Variants in ERBB4 observed in about 807,000 individuals in gnomAD.
ERBB4 encodes erb-b2 receptor tyrosine kinase 4.
Under a neutral mutation model 158.0 loss-of-function variants are expected in ERBB4, and 42 were observed. The ratio of observed to expected loss-of-function variants is 0.27; its 90% CI spans 0.21 to 0.34. The LOEUF (loss-of-function observed/expected upper bound fraction) is 0.34, where lower values mean the gene tolerates loss of function less well. Ranked by LOEUF, ERBB4 falls within the 10% of genes least tolerant of loss-of-function variation. The pLI, the probability that ERBB4 is intolerant of heterozygous loss-of-function variation, is 1.00. For missense variants in ERBB4, 1,333 were observed against 1,624.1 expected (o/e 0.82, Z 3.08); for synonymous variants, 583 against 558.7 (o/e 1.04, Z -0.61).
At chr2:211,947,052 A>G (rs1486319451) in intron 3 of ERBB4, among the ~76,000 whole-genome samples, 1 of 152,170 alleles carries the variant, frequency 6.6e-6, no homozygotes, top group African/African-American at 2.4e-5. Context: ...GGAAATAGAT[A>G]TAACAGCTTG....
At chr2:211,527,248 A>C (rs543086536) in intron 20 of ERBB4, among the ~76,000 whole-genome samples, 1 of 152,236 alleles carries the variant, frequency 6.6e-6, no homozygotes, top group African/African-American at 2.4e-5. Flanking sequence ...ATGGCAATAA[A>C]ATTTTAAGTG....
intron 19 of ERBB4, among the ~76,000 whole-genome samples, chr2:211,579,248 G>T (rs577509562): frequency 8.5e-5 from 13 of 152,050 alleles, no homozygotes; most frequent in African/African-American, 3.1e-4. Context: ...CCACAATGAG[G>T]TACCATCTCA....
chr2:211,652,450 A>T (rs2071027708), intron 16 of ERBB4, among the ~76,000 whole-genome samples: 2 of 152,178 alleles, frequency 1.3e-5, no homozygotes, highest in African/African-American at 2.4e-5. Context: ...TGACTGTTTG[A>T]TTTGGACATG....
chr2:211,770,726 A>C (rs2106264927), intron 4 of ERBB4, among the ~76,000 whole-genome samples: 1 of 152,244 alleles, frequency 6.6e-6, no homozygotes, highest in Non-Finnish European at 1.5e-5. Flanking sequence ...CATACTAGAA[A>C]TTGCAAGCTG....
chr2:211,633,627 T>G (rs945251502), intron 16 of ERBB4, among the ~76,000 whole-genome samples: 3 of 147,962 alleles, frequency 2.0e-5, no homozygotes, highest in Admixed American at 6.8e-5. Flanking sequence ...ACTAGTTTTT[T>G]CTTCTTGAGG....
intron 1 of ERBB4, among the ~76,000 whole-genome samples, chr2:212,266,522 CT>C (rs1246079653): frequency 1.3e-5 from 2 of 151,978 alleles, no homozygotes; most frequent in East Asian, 3.9e-4. Context: ...AGGCAGTTAC[CT>C]CCTGAAACTA....
chr2:212,393,538 C>T (rs1315937644), intron 1 of ERBB4, among the ~76,000 whole-genome samples: 1 of 152,042 alleles, frequency 6.6e-6, no homozygotes. Flanking sequence ...ACCTTATTTA[C>T]ATTACTTCAT....
intron 2 of ERBB4, among the ~76,000 whole-genome samples, chr2:212,027,593 T>C (rs2076803381): frequency 6.6e-6 from 1 of 152,092 alleles, no homozygotes; most frequent in South Asian, 2.1e-4. Flanking sequence ...GTGAGTATGA[T>C]ATCTTTATTC....
At chr2:212,010,001 A>G (rs749411102) in intron 2 of ERBB4, among the ~76,000 whole-genome samples, 8 of 152,206 alleles carry the variant, frequency 5.3e-5, no homozygotes, top group South Asian at 2.1e-4. Context: ...CTTCCGTTTT[A>G]AAATCCTCAA....
At chr2:212,531,180 GA>G (rs772846552) in intron 1 of ERBB4, among the ~76,000 whole-genome samples, 6 of 152,064 alleles carry the variant, frequency 3.9e-5, no homozygotes, top group Non-Finnish European at 8.8e-5. Context: ...TTTCTATCAG[GA>G]AATGACTCTT....
At chr2:211,957,256 A>G (rs187756327) in intron 2 of ERBB4, among the ~76,000 whole-genome samples, 1 of 152,178 alleles carries the variant, frequency 6.6e-6, no homozygotes, top group East Asian at 1.9e-4. Context: ...CCCTAATCCA[A>G]TATAACCAGT....
intron 3 of ERBB4, among the ~76,000 whole-genome samples, chr2:211,841,691 T>C (rs58813485): frequency 0.013 from 1,930 of 152,132 alleles, 46 homozygotes; most frequent in African/African-American, 0.043. Flanking sequence ...ATATTTAATA[T>C]GAGGCCTTCA....
At chr2:212,479,020 G>A (rs1448046827) in intron 1 of ERBB4, among the ~76,000 whole-genome samples, 1 of 152,142 alleles carries the variant, frequency 6.6e-6, no homozygotes, top group Admixed American at 6.6e-5. Context: ...TGGGCACTAT[G>A]CCAAGCCCTT....
At chr2:212,120,841 C>A (rs979904003) in intron 2 of ERBB4, among the ~76,000 whole-genome samples, 1 of 151,948 alleles carries the variant, frequency 6.6e-6, no homozygotes, top group African/African-American at 2.4e-5. Flanking sequence ...AGAACTATGT[C>A]TATAATAGGT....
In ERBB4 at chr2:211,465,364, C is replaced by G. The variant is rs575427615; in HGVS notation, c.2488-34264G>C. Among the ~76,000 whole-genome samples the G allele has an allele frequency of 3.4e-4, 51 of 150,588 alleles. 1 individual carries two copies. Among genetic ancestry groups the G allele is most frequent in the African/African-American group, 1.2e-3 (49 of 41,410 alleles). On this transcript the variant is annotated intron_variant, in intron 20 of 27. Transcript: ENST00000342788. The stretch of plus-strand genomic sequence containing the variant: ...CAGAATCAAGACAAATAATAAATTA[C>G]TGTTTTAAGACCTAAGTTTTGGGAT...
chr2:211,398,259 C>G (rs928061980), intron 25 of ERBB4, among the ~76,000 whole-genome samples: 1 of 152,158 alleles, frequency 6.6e-6, no homozygotes, highest in Admixed American at 6.6e-5. Context: ...CCCCCAGAAT[C>G]TAACCATTCT....
chr2:212,177,858 C>G (rs1261423705), intron 1 of ERBB4, among the ~76,000 whole-genome samples: 3 of 151,680 alleles, frequency 2.0e-5, no homozygotes, highest in Admixed American at 2.0e-4. Context: ...CTCAATTAGG[C>G]CAGAAGAGGG....
chr2:212,474,766 T>G (rs2106132882), intron 1 of ERBB4, among the ~76,000 whole-genome samples: 1 of 150,970 alleles, frequency 6.6e-6, no homozygotes, highest in Non-Finnish European at 1.5e-5. Context: ...CAGAGATATC[T>G]TAAAATAAAC....
At chr2:212,307,175 T>C (rs72947334) in intron 1 of ERBB4, among the ~76,000 whole-genome samples, 5,613 of 151,120 alleles carry the variant, frequency 0.037, 141 homozygotes, top group South Asian at 0.083. Flanking sequence ...AGCCTCAGTT[T>C]CCCCCTATGC....
Sources: allele counts gnomAD v4.1 joint callset (sites outside exome capture counted in the v4.1 genomes callset), GRCh38; gene constraint gnomAD v4.1.1; transcripts MANE v1.5; gene names NCBI Gene and HGNC (gene_info 2026-07-23, HGNC 2026-07-21).